The following PPARD variants were observed in gnomAD, a reference collection of about 807,000 sequenced individuals.
PPARD encodes peroxisome proliferator-activated receptor delta.
Under a neutral mutation model 39.5 loss-of-function variants are expected in PPARD, and 6 were observed. The ratio of observed to expected loss-of-function variants is 0.15; its 90% CI spans 0.08 to 0.30. The LOEUF (loss-of-function observed/expected upper bound fraction) is 0.30. PPARD is among the 10% of genes least tolerant of loss of function. The pLI is 1.00. For synonymous variants in PPARD, 210 were observed against 231.3 expected, an observed-to-expected ratio of 0.91 and a Z score of 0.83; for missense variants, 397 against 596.8, an observed-to-expected ratio of 0.67 and a Z score of 3.49.
intron 2 of PPARD, among the ~76,000 whole-genome samples, chr6:35,350,327 G>A (rs537227454): frequency 3.9e-5 from 6 of 152,240 alleles, no homozygotes; most frequent in African/African-American, 1.4e-4. Context: ...AGAAATTTTT[G>A]CCCAGACCAG....
At chr6:35,421,680 T>TC in intron 4 of PPARD, 140 bp from the exon 5 acceptor site, 1 of 832,254 alleles carries the variant, frequency 1.2e-6, no homozygotes, top group Non-Finnish European at 1.8e-6. Flanking sequence ...ACTTTCCTTC[T>TC]CCATCTCCCC....
chr6:35,363,392 C>T lies in PPARD; in HGVS notation c.-102+16242C>T, dbSNP rs1762025722. Among the ~76,000 whole-genome samples the T allele has an allele frequency of 6.6e-6, 1 of 152,124 alleles. No homozygotes were observed. The highest frequency in any genetic ancestry group is 1.5e-5 in the Non-Finnish European group (1 of 68,018). On this transcript the variant is annotated intron_variant, in intron 2 of 7. Transcript: ENST00000360694. This position sits in a 1 kb window ranked among gnomAD's most constrained non-coding sequence, Gnocchi z 4.5. ...TGAGACCCACTGGCTTCCTGTACGT[C>T]CCCTCAAAGCCTGCGCCACCGCCTC...
chr6:35,367,513 G>A (rs7757196), intron 2 of PPARD, among the ~76,000 whole-genome samples: 1,910 of 152,284 alleles, frequency 0.013, 24 homozygotes, highest in African/African-American at 0.028. Context: ...CTAAGGCTCA[G>A]AAAAATCCAT....
intron 2 of PPARD, among the ~76,000 whole-genome samples, chr6:35,384,424 C>A (rs1188820719): frequency 9.1e-6 from 1 of 109,666 alleles, no homozygotes; most frequent in East Asian, 2.9e-4. Context: ...CCGCCCCGTC[C>A]GGGAGGGAGG....
At position 35,424,722 on chromosome 6, in the gene PPARD, C is replaced by G. The variant is rs1766453869; in HGVS notation, c.1021C>G (p.Leu341Val). 6.2e-7 allele frequency: 1 copy of G among 1,614,250 alleles called. No homozygotes were observed. The highest frequency in any genetic ancestry group is 8.5e-7 in the Non-Finnish European group (1 of 1,180,044). The change falls in exon 7 of 8, where the codon CTG (leucine) becomes GTG (valine). Residue 341 changes from leucine (L) to valine (V), a missense_variant. Physicochemically the swap from Leu to Val is conservative, Grantham distance 32. Coordinates refer to ENST00000360694, the MANE Select transcript of PPARD (RefSeq NM_006238.5). The surrounding 1 kb of genome is among the most constrained non-coding windows in gnomAD (Gnocchi z 7.1). ...KFEFAVKFNA[L>V]ELDDSDLALF... ...TGAATTTGCTGTCAAGTTCAACGCC[C>G]TGGAACTTGATGACAGTGACCTGGC...
rs9470002 is a variant in PPARD, at chr6:35,366,611, A to G, written c.-102+19461A>G. Among the ~76,000 whole-genome samples, 1,744 of 150,212 alleles carry G rather than the reference A, an allele frequency of 0.012. 57 individuals are homozygous for G. Among genetic ancestry groups the G allele is most frequent in the African/African-American group, 0.04 (1,611 of 39,936 alleles). ...GTCACCCAGGCTGGAGTGCAGTGGC[A>G]TGATCTCGGCTCACTGCAACCTCTG... On this transcript the variant is annotated intron_variant, in intron 2 of 7. Coordinates refer to ENST00000360694, the MANE Select transcript of PPARD (RefSeq NM_006238.5). The surrounding 1 kb of genome is among the most constrained non-coding windows in gnomAD (Gnocchi z 4.6).
At chr6:35,411,309 G>T in intron 3 of PPARD, 92 bp downstream of exon 3, 5 of 1,331,496 alleles carry the variant, frequency 3.8e-6, no homozygotes, top group Non-Finnish European at 3.9e-6. Flanking sequence ...ATCATGTGGG[G>T]CGCAGAGTAG....
Position 35,421,824 on chromosome 6 carries a change from T to C in PPARD, c.290T>C (p.Phe97Ser). The C allele has an allele frequency of 1.2e-6, 2 of 1,610,400 alleles. No individual in the cohort carries two copies. The highest frequency in any genetic ancestry group is 1.7e-6 in the Non-Finnish European group (2 of 1,177,964). ...GVHACEGCKG[F>S]FRRTIRMKLE... is the part of the protein sequence containing the mutation. ...CACCTGTTCTTGGTGCTTCAGGGCTTCTTCCGTCGTACGATCCGCATGAAG... is the reference window on the plus strand; with the variant it reads ...CACCTGTTCTTGGTGCTTCAGGGCTCCTTCCGTCGTACGATCCGCATGAAG... The change falls in exon 5 of 8, where the codon TTC (phenylalanine) becomes TCC (serine). Residue 97 changes from phenylalanine to serine, a missense_variant. By Grantham distance (155) the Phe-to-Ser change is radical. Transcript: ENST00000360694.
At chr6:35,347,173 G>A (rs1332453695) in intron 2 of PPARD, 23 bp downstream of exon 2, 1 of 1,535,910 alleles carries the variant, frequency 6.5e-7, no homozygotes, top group Non-Finnish European at 8.7e-7. Flanking sequence ...TCTTTACTCA[G>A]GGGTCTCTGA....
At chr6:35,348,418 T>G in intron 2 of PPARD, 1 of 985,422 alleles carries the variant, frequency 1.0e-6, no homozygotes, top group Non-Finnish European at 1.2e-6. Flanking sequence ...CATTGCTGTT[T>G]CCATGTTCTC....
chr6:35,350,140 A>G (rs964713824), intron 2 of PPARD, among the ~76,000 whole-genome samples: 1 of 152,162 alleles, frequency 6.6e-6, no homozygotes, highest in South Asian at 2.1e-4. Flanking sequence ...AGCTCGTTAT[A>G]TATTCTTGTT....
chr6:35,377,156 C>T (rs1270697262), intron 2 of PPARD, among the ~76,000 whole-genome samples: 3 of 152,180 alleles, frequency 2.0e-5, no homozygotes, highest in Non-Finnish European at 2.9e-5. Flanking sequence ...CTCAAAGCCA[C>T]AGGCAGGCTT....
chr6:35,351,978 T>C (rs1761283125), intron 2 of PPARD, among the ~76,000 whole-genome samples: 1 of 151,154 alleles, frequency 6.6e-6, no homozygotes, highest in African/African-American at 2.4e-5. Context: ...AAGTGATCCT[T>C]TCATCTCAGC....
intron 2 of PPARD, among the ~76,000 whole-genome samples, chr6:35,384,194 G>T (rs1395482482): frequency 7.3e-6 from 1 of 136,488 alleles, no homozygotes; most frequent in Non-Finnish European, 1.6e-5. Flanking sequence ...CCGGCCAGCG[G>T]CCCCGTCCGG....
At chr6:35,368,434 C>T (rs1344474502) in intron 2 of PPARD, among the ~76,000 whole-genome samples, 2 of 152,210 alleles carry the variant, frequency 1.3e-5, no homozygotes, top group East Asian at 3.8e-4. Flanking sequence ...CCATACTTGA[C>T]TCAACTGGCA....
rs200228242 is a variant in PPARD, at chr6:35,425,033, C to T, written c.1078+254C>T. ...CACACCTGTAATCCCAGCACTTTGG[C>T]AGGCCGAGGCGGGTGGATCACTTGA... On this transcript the variant is annotated intron_variant, in intron 7 of 7. Coordinates refer to ENST00000360694, the MANE Select transcript of PPARD (RefSeq NM_006238.5). The surrounding 1 kb of genome is among the most constrained non-coding windows in gnomAD (Gnocchi z 4.5). 4.6e-6 allele frequency: 6 copies of T among 1,301,748 alleles called. No homozygotes were observed. The highest frequency in any genetic ancestry group is 3.0e-4 in the Middle Eastern group (1 of 3,370). 80.6% of individuals were successfully genotyped at this position (1,301,748 alleles called of 1,614,324 possible). A position where few individuals can be genotyped will look rare whatever the true frequency, so the allele number is the denominator to read the frequency against.
At chr6:35,364,270 A>G (rs936697290) in intron 2 of PPARD, among the ~76,000 whole-genome samples, 3 of 152,078 alleles carry the variant, frequency 2.0e-5, no homozygotes, top group African/African-American at 7.2e-5. Context: ...GTGTGTATAT[A>G]TTCCATTTTA....
intron 2 of PPARD, among the ~76,000 whole-genome samples, chr6:35,394,221 C>T (rs1764180048): frequency 2.0e-5 from 3 of 152,272 alleles, no homozygotes; most frequent in Non-Finnish European, 4.4e-5. Flanking sequence ...ATGAGTGTGT[C>T]GCGGATGCGC....
At chr6:35,396,566 C>T (rs1157229750) in intron 2 of PPARD, among the ~76,000 whole-genome samples, 1 of 144,646 alleles carries the variant, frequency 6.9e-6, no homozygotes, top group Non-Finnish European at 1.5e-5. Flanking sequence ...CGTGGTGGCT[C>T]ATGCCTATAA....
Sources: allele counts gnomAD v4.1 joint callset (sites outside exome capture counted in the v4.1 genomes callset), GRCh38; gene constraint gnomAD v4.1.1; non-coding constraint Gnocchi (gnomAD v3.1); transcripts MANE v1.5; gene names NCBI Gene and HGNC (gene_info 2026-07-23, HGNC 2026-07-21).